Variants in SOX6 observed in about 807,000 individuals in gnomAD.
SOX6 encodes the protein transcription factor SOX-6.
A neutral mutation model predicts 97.8 loss-of-function variants in SOX6; 11 were observed. That is an observed-to-expected ratio of 0.11 (90% CI 0.07 to 0.19). The LOEUF is 0.19. Among genes scored for constraint, SOX6 ranks in the 10% least tolerant of loss-of-function variants. SOX6 has a pLI of 1.00. For synonymous variants in SOX6, 360 were observed against 371.4 expected (o/e 0.97, Z 0.35); for missense variants, 810 against 1,039.5 (o/e 0.78, Z 3.04).
intron 6 of SOX6, among the ~76,000 whole-genome samples, chr11:16,145,197 T>C (rs572949809): frequency 2.0e-5 from 3 of 152,220 alleles, no homozygotes; most frequent in South Asian, 2.1e-4. Context: ...TGGTTCAACA[T>C]GCGCAAATCA....
intron 3 of SOX6, among the ~76,000 whole-genome samples, chr11:16,242,579 A>C (rs1853226397): frequency 6.6e-6 from 1 of 151,752 alleles, no homozygotes; most frequent in African/African-American, 2.4e-5. Flanking sequence ...GGACTTTCTC[A>C]ACATGATGCA....
chr11:16,477,877 A>C (rs2133122041), upstream of SOX6, among the ~76,000 whole-genome samples: 1 of 152,314 alleles, frequency 6.6e-6, no homozygotes, highest in East Asian at 1.9e-4. Flanking sequence ...CTACTTCCAC[A>C]GTGCAAGAAG....
chr11:16,490,041 G>A (rs571193354), intron 4 of SOX6, among the ~76,000 whole-genome samples: 100 of 152,034 alleles, frequency 6.6e-4, no homozygotes, highest in African/African-American at 2.3e-3. Flanking sequence ...GCAACATATT[G>A]AGCCCACAAA....
Position 16,033,821 on chromosome 11 carries a change from G to A in SOX6, c.1623+12693C>T, listed in dbSNP as rs562880219. Among the ~76,000 whole-genome samples, 213 of 152,108 alleles carry A rather than the reference G, an allele frequency of 1.4e-3. 1 individual carries two copies. The highest frequency in any genetic ancestry group is 2.1e-3 in the Non-Finnish European group (146 of 67,994). On this transcript the variant is annotated intron_variant, in intron 12 of 15. Coordinates refer to ENST00000683767, the MANE Select transcript of SOX6 (RefSeq NM_001367873.1). ...TAGGAGGTGGAGGTTGTGGTGAGCC[G>A]AGATCGTGCCATTGCACTCCAGCCT...
intron 4 of SOX6, among the ~76,000 whole-genome samples, chr11:16,600,108 A>G (rs1848251715): frequency 6.6e-6 from 1 of 152,236 alleles, no homozygotes; most frequent in South Asian, 2.1e-4. Flanking sequence ...GCAAGAGGCA[A>G]CCGCCTGCAT....
At chr11:16,210,584 G>C (rs1192652213) in intron 4 of SOX6, among the ~76,000 whole-genome samples, 4 of 152,116 alleles carry the variant, frequency 2.6e-5, no homozygotes, top group African/African-American at 9.7e-5. Context: ...TTGTGGTCTT[G>C]CAGTATAAAC....
At chr11:16,511,579 T>C (rs1053174623) in intron 4 of SOX6, among the ~76,000 whole-genome samples, 2 of 152,170 alleles carry the variant, frequency 1.3e-5, no homozygotes, top group Non-Finnish European at 2.9e-5. Context: ...GTGAGTAGAA[T>C]GCTGGCAAAG....
intron 6 of SOX6, among the ~76,000 whole-genome samples, chr11:16,159,109 T>A (rs1850676137): frequency 1.3e-5 from 2 of 152,080 alleles, no homozygotes; most frequent in Admixed American, 1.3e-4. Context: ...ACTACAGAAA[T>A]AAACACTTTT....
chr11:16,490,530 G>A (rs1021428249), intron 4 of SOX6, among the ~76,000 whole-genome samples: 1 of 151,912 alleles, frequency 6.6e-6, no homozygotes, highest in African/African-American at 2.4e-5. Context: ...TAGTTTTGGT[G>A]CAAGCACTAA....
intron 11 of SOX6, among the ~76,000 whole-genome samples, chr11:16,048,981 T>G (rs1340429242): frequency 1.3e-5 from 2 of 152,316 alleles, no homozygotes; most frequent in South Asian, 4.1e-4. Flanking sequence ...TCATTCATTC[T>G]AGTCATTTTA....
intron 4 of SOX6, among the ~76,000 whole-genome samples, chr11:16,535,549 G>C (rs1010132224): frequency 6.6e-6 from 1 of 152,096 alleles, no homozygotes; most frequent in African/African-American, 2.4e-5. Context: ...GCCCATGCCT[G>C]TAGTCCCAGC....
chr11:16,111,594 A>C (rs1358249874), intron 7 of SOX6, among the ~76,000 whole-genome samples: 1 of 152,194 alleles, frequency 6.6e-6, no homozygotes, highest in African/African-American at 2.4e-5. Context: ...AGACAAACTC[A>C]AGTGGAAGAA....
chr11:15,992,512 A>C (rs559566455), intron 13 of SOX6, among the ~76,000 whole-genome samples: 1 of 152,278 alleles, frequency 6.6e-6, no homozygotes, highest in African/African-American at 2.4e-5. Flanking sequence ...ATGACTATGC[A>C]AATTATGCCC....
intron 12 of SOX6, among the ~76,000 whole-genome samples, chr11:16,016,214 C>A (rs1854878160): frequency 6.6e-6 from 1 of 151,996 alleles, no homozygotes; most frequent in Non-Finnish European, 1.5e-5. Context: ...TACATTTGTG[C>A]TTTCTAATAT....
intron 4 of SOX6, among the ~76,000 whole-genome samples, chr11:16,583,462 G>C (rs576307351): frequency 1.4e-3 from 215 of 151,008 alleles, no homozygotes; most frequent in African/African-American, 5.0e-3. Flanking sequence ...TCAGCCTCTA[G>C]TAACCACTAT....
chr11:16,316,591 A>G (rs1855763517), intron 3 of SOX6: 1 of 152,046 alleles, frequency 6.6e-6, no homozygotes, highest in African/African-American at 2.4e-5. Flanking sequence ...ACGAAGAGAA[A>G]ATTAACCATT....
At chr11:16,616,518 C>T (rs1389095287) in intron 3 of SOX6, among the ~76,000 whole-genome samples, 1 of 151,808 alleles carries the variant, frequency 6.6e-6, no homozygotes, top group Non-Finnish European at 1.5e-5. Flanking sequence ...ATATTGGAGA[C>T]TTTGCTTGTT....
intron 6 of SOX6, among the ~76,000 whole-genome samples, chr11:16,146,915 C>G (rs544703345): frequency 6.6e-6 from 1 of 152,294 alleles, no homozygotes; most frequent in South Asian, 2.1e-4. Flanking sequence ...GGACTGTAAA[C>G]TAGTTCGACC....
At chr11:16,540,863 G>T (rs1440274248) in intron 4 of SOX6, among the ~76,000 whole-genome samples, 1 of 152,136 alleles carries the variant, frequency 6.6e-6, no homozygotes, top group Admixed American at 6.5e-5. Context: ...TCATGGGTAG[G>T]AAGAATCAAT....
Sources: gnomAD v4.1 joint callset for allele counts (sites outside exome capture counted in the v4.1 genomes callset) on GRCh38, gnomAD v4.1.1 for gene constraint, MANE v1.5 for transcripts, NCBI Gene and HGNC (gene_info 2026-07-23, HGNC 2026-07-21) for gene names.